Variants in KLK13 observed in about 807,000 individuals in gnomAD.
KLK13 encodes kallikrein related peptidase 13, also known as kallikrein-13.
Under a neutral mutation model 22.4 loss-of-function variants are expected in KLK13, and 19 were observed. The observed-to-expected ratio is 0.85, with a 90% CI of 0.59 to 1.24. KLK13 has a LOEUF of 1.24. Ranked by LOEUF, KLK13 falls within the 50% of genes most tolerant of loss-of-function variation. The probability of loss-of-function intolerance (pLI) is 0.00; values close to 1 mark genes in which losing one functional copy is unlikely to be tolerated. For missense variants in KLK13, 311 were observed against 347.9 expected (o/e 0.89, Z 0.84); for synonymous variants, 156 against 141.8 (o/e 1.10, Z -0.71).
In KLK13 at chr19:51,056,321, C is replaced by A. The variant is rs1286945951; in HGVS notation, c.*266G>T. On this transcript the variant is annotated 3_prime_UTR_variant, in exon 5 of 5. Transcript: ENST00000595793. ...GTGATCTGGGCTCATAGAAGCCACACTGATGAAGTTGAGAGACCTGGGCCA... is the reference window on the plus strand; with the variant it reads ...GTGATCTGGGCTCATAGAAGCCACAATGATGAAGTTGAGAGACCTGGGCCA... 4.5e-6 allele frequency: 2 copies of A among 440,034 alleles called. No individual in the cohort carries two copies. The highest frequency in any genetic ancestry group is 8.2e-6 in the Non-Finnish European group (2 of 243,714). 27.3% of individuals were successfully genotyped at this position (440,034 alleles called of 1,614,324 possible).
chr19:51,060,735 T>C (rs1599786361), intron 1 of KLK13, 116 bp from the exon 2 acceptor site: 2 of 787,142 alleles, frequency 2.5e-6, no homozygotes, highest in Non-Finnish European at 4.0e-6. Flanking sequence ...GACCAGGAAC[T>C]GAAGATGAAT....
Position 51,056,101 on chromosome 19 carries a change from AT to A in KLK13, c.*485del, listed in dbSNP as rs2091673231. 6.5e-6 allele frequency: 1 copy of A among 153,260 alleles called. No individual in the cohort carries two copies. The highest frequency in any genetic ancestry group is 1.5e-5 in the Non-Finnish European group (1 of 68,834). The allele number at this position is 153,260 out of a possible 1,614,324, so 9.5% of individuals were successfully genotyped here. A position where few individuals can be genotyped will look rare whatever the true frequency, so the allele number is the denominator to read the frequency against. ...CAGAAGATTGTGGGCATAAGAGAATATTTTCAGGATGAACTATCATGGGAGT... is the reference window on the plus strand; with the variant it reads ...CAGAAGATTGTGGGCATAAGAGAATATTTCAGGATGAACTATCATGGGAGT... On this transcript the variant is annotated 3_prime_UTR_variant, in exon 5 of 5. Transcript: ENST00000595793.
At chr19:51,058,970 G>A (rs970737353) in intron 3 of KLK13, among the ~76,000 whole-genome samples, 1 of 152,080 alleles carries the variant, frequency 6.6e-6, no homozygotes, top group Non-Finnish European at 1.5e-5. Flanking sequence ...GGTGGGGAGA[G>A]AAAGTTGGAG....
In KLK13 at chr19:51,060,094, CT is replaced by C; in HGVS notation, c.240-2del. Reference sequence around the variant, plus strand: ...CTTGCCTAGGTAAACTTTGAGCCCCCTGTGGGTGCAGAAAGAAGGTGGTTAG... The same window carrying C: ...CTTGCCTAGGTAAACTTTGAGCCCCCGTGGGTGCAGAAAGAAGGTGGTTAG... On this transcript the variant is annotated splice_acceptor_variant, in intron 2 of 4. Coordinates refer to ENST00000595793, the MANE Select transcript of KLK13 (RefSeq NM_015596.3). LOFTEE classifies it high-confidence loss of function. 1 of 1,612,946 alleles carries C rather than the reference CT, an allele frequency of 6.2e-7. No homozygotes were observed. Among genetic ancestry groups the C allele is most frequent in the Non-Finnish European group, 8.5e-7 (1 of 1,179,588 alleles).
Position 51,056,239 on chromosome 19 carries a change from G to T in KLK13, c.*348C>A, listed in dbSNP as rs1346154843. 1.2e-5 allele frequency: 3 copies of T among 260,530 alleles called. No individual in the cohort carries two copies. The East Asian group carries it at 2.8e-4, about 25-fold the overall frequency. The allele number at this position is 260,530 out of a possible 1,614,324, so 16.1% of individuals were successfully genotyped here. ...ATGGTCCATTTATAGGACATATATT[G>T]TTGAGATGGGCTGATGGAAATATTT... On this transcript the variant is annotated 3_prime_UTR_variant, in exon 5 of 5. Coordinates refer to ENST00000595793, the MANE Select transcript of KLK13 (RefSeq NM_015596.3).
In KLK13 at chr19:51,056,497, G is replaced by C; in HGVS notation, c.*90C>G. On this transcript the variant is annotated 3_prime_UTR_variant, in exon 5 of 5. Transcript: ENST00000595793. ...AGGACATGGATCACTGGTTCAAATGGAACACTGGGAATAAGGAGCAGAGAA... is the reference window on the plus strand; with the variant it reads ...AGGACATGGATCACTGGTTCAAATGCAACACTGGGAATAAGGAGCAGAGAA... The C allele has an allele frequency of 7.8e-7, 1 of 1,288,680 alleles. No individual in the cohort carries two copies. Among genetic ancestry groups the C allele is most frequent in the Non-Finnish European group, 1.1e-6 (1 of 906,210 alleles). 79.8% of individuals were successfully genotyped at this position (1,288,680 alleles called of 1,614,324 possible). A position where few individuals can be genotyped will look rare whatever the true frequency, so the allele number is the denominator to read the frequency against.
At chr19:51,063,903 T>C (rs1299247667) in intron 1 of KLK13, 2 of 454,170 alleles carry the variant, frequency 4.4e-6, no homozygotes, top group Admixed American at 2.4e-5. Flanking sequence ...TGGATAATTG[T>C]TTGAATAACA....
In KLK13 at chr19:51,064,128, A is replaced by C. The variant is rs574151560; in HGVS notation, c.52+888T>G. Among the ~76,000 whole-genome samples, 8 of 152,272 alleles carry C rather than the reference A, an allele frequency of 5.3e-5. 1 individual carries two copies. The South Asian group carries it at 1.5e-3, about 28-fold the overall frequency. On this transcript the variant is annotated intron_variant, in intron 1 of 4. Transcript: ENST00000595793. Reference sequence around the variant, plus strand: ...GACTACCAATTTGGGGTGAGGTCACATAGGTTTGGGGTCAACCCAAGGATT... The same window carrying C: ...GACTACCAATTTGGGGTGAGGTCACCTAGGTTTGGGGTCAACCCAAGGATT...
At chr19:51,064,715 C>T in intron 1 of KLK13, 1 of 624,262 alleles carries the variant, frequency 1.6e-6, no homozygotes, top group Non-Finnish European at 3.0e-6. Context: ...AAAGCGGCAG[C>T]GTCAGGACGC....
Position 51,060,539 on chromosome 19 carries a change from G to A in KLK13, c.133C>T (p.His45Tyr), listed in dbSNP as rs767761060. 6.2e-7 allele frequency: 1 copy of A among 1,613,940 alleles called. No homozygotes were observed. Among genetic ancestry groups the A allele is most frequent in the Non-Finnish European group, 8.5e-7 (1 of 1,179,878 alleles). ...AGGGCAGCCTGCCAGGGCTGAGAGT[G>A]GGGGAAGCAGGTGTAGCCACCTGGG... The part of the protein sequence containing the change: ...FLPGGYTCFP[H>Y]SQPWQAALLV... Residue 45 changes from histidine (H) to tyrosine (Y), a missense_variant, in exon 2 of 5, where the codon CAC becomes TAC. Coordinates refer to ENST00000595793, the MANE Select transcript of KLK13 (RefSeq NM_015596.3).
chr19:51,064,938 G>A, intron 1 of KLK13, 78 bp downstream of exon 1: 1 of 1,133,812 alleles, frequency 8.8e-7, no homozygotes, highest in Non-Finnish European at 1.2e-6. Context: ...CGGCTCCCAC[G>A]CCCCCTCCCC....
At chr19:51,058,855 C>G (rs2091699825) in intron 3 of KLK13, among the ~76,000 whole-genome samples, 181 bp from the exon 4 acceptor site, 1 of 151,546 alleles carries the variant, frequency 6.6e-6, no homozygotes, top group Admixed American at 6.6e-5. Context: ...TATGGAGGGA[C>G]ATGGGAGAGA....
intron 1 of KLK13, among the ~76,000 whole-genome samples, chr19:51,063,088 T>G (rs1468714730): frequency 6.6e-6 from 1 of 152,178 alleles, no homozygotes; most frequent in South Asian, 2.1e-4. Flanking sequence ...AATATGGTTT[T>G]AACACCTCCC....
chr19:51,060,524 G>A lies in KLK13; in HGVS notation c.148C>T (p.Gln50Ter). Residue 50 changes from glutamine to a stop codon, truncating the protein, a stop_gained, in exon 2 of 5, where the codon CAG becomes TAG. Transcript: ENST00000595793. LOFTEE classifies it high-confidence loss of function. ...CGCCCTTGCACTAGTAGGGCAGCCT[G>A]CCAGGGCTGAGAGTGGGGGAAGCAG... ...YTCFPHSQPW[Q>*]AALLVQGRLL... is the part of the protein sequence containing the mutation. The A allele has an allele frequency of 2.5e-6, 4 of 1,614,020 alleles. No individual in the cohort carries two copies. Among genetic ancestry groups the A allele is most frequent in the Non-Finnish European group, 1.7e-6 (2 of 1,179,890 alleles).
Position 51,060,448 on chromosome 19 carries a change from G to A in KLK13, c.224C>T (p.Ala75Val). The change falls in exon 2 of 5, where the codon GCA becomes GTA. Residue 75 changes from alanine to valine, a missense_variant. Transcript: ENST00000595793. The stretch of plus-strand genomic sequence containing the variant: ...CCCCACATACTCCTTTAGACAGTGT[G>A]CGGCAGTGAGGACCCATTTGGGGTG... Reference protein sequence around the residue: ...LVHPKWVLTAAHCLKEGLKVY... With the variant: ...LVHPKWVLTAVHCLKEGLKVY... 2 of 1,611,098 alleles carry A rather than the reference G, an allele frequency of 1.2e-6. No individual in the cohort carries two copies. Among genetic ancestry groups the A allele is most frequent in the Non-Finnish European group, 1.7e-6 (2 of 1,178,284 alleles).
rs1218854573 is a variant in KLK13 at position 51,056,065 on chromosome 19, T to C, written c.*522A>G. 6.6e-6 allele frequency: 1 copy of C among 152,646 alleles called. No individual in the cohort carries two copies. Among genetic ancestry groups the C allele is most frequent in the African/African-American group, 2.4e-5 (1 of 41,436 alleles). 9.5% of individuals were successfully genotyped at this position (152,646 alleles called of 1,614,324 possible). A position where few individuals can be genotyped will look rare whatever the true frequency, so the allele number is the denominator to read the frequency against. ...TGGTGAGTCACAGAGGTACACAGAA[T>C]GTTGTCAGGGCAGAAGATTGTGGGC... On this transcript the variant is annotated 3_prime_UTR_variant, in exon 5 of 5. Coordinates refer to ENST00000595793, the MANE Select transcript of KLK13 (RefSeq NM_015596.3).
At position 51,056,214 on chromosome 19, in the gene KLK13, A is replaced by T. The variant is rs527938116; in HGVS notation, c.*373T>A. ...GAAGAGTTAGAGGATGTTGTCAAGG[A>T]TGGTCCATTTATAGGACATATATTG... On this transcript the variant is annotated 3_prime_UTR_variant, in exon 5 of 5. Transcript: ENST00000595793. The T allele has an allele frequency of 6.1e-5, 12 of 198,332 alleles. No homozygotes were observed. Among genetic ancestry groups the T allele is most frequent in the Admixed American group, 5.1e-4 (9 of 17,740 alleles). 12.3% of individuals were successfully genotyped at this position (198,332 alleles called of 1,614,324 possible). A position where few individuals can be genotyped will look rare whatever the true frequency, so the allele number is the denominator to read the frequency against.
At position 51,056,645 on chromosome 19, in the gene KLK13, C is replaced by T. The variant is rs141343299; in HGVS notation, c.776G>A (p.Arg259His). ...TRVSRYVLWI[R>H]ETIRKYETQQ... ...GGTTTCATATTTTCGGATTGTTTCA[C>T]GGATCCACAGGACGTATCTTGAGAC... The change falls in exon 5 of 5, where the codon CGT becomes CAT. Residue 259 changes from arginine to histidine, a missense_variant. Physicochemically the swap from Arg to His is conservative, Grantham distance 29. Transcript: ENST00000595793. The T allele has an allele frequency of 1.7e-5, 28 of 1,614,134 alleles. No individual in the cohort carries two copies. The highest frequency in any genetic ancestry group is 3.3e-5 in the Admixed American group (2 of 60,020).
intron 1 of KLK13, among the ~76,000 whole-genome samples, 164 bp from the exon 2 acceptor site, chr19:51,060,783 G>A (rs1388417516): frequency 6.6e-6 from 1 of 152,146 alleles, no homozygotes; most frequent in Admixed American, 6.5e-5. Context: ...TGACCAAGTG[G>A]AGATGAATTA....
Sources: allele counts gnomAD v4.1 joint callset (sites outside exome capture counted in the v4.1 genomes callset), GRCh38; gene constraint gnomAD v4.1.1; transcripts MANE v1.5; gene names NCBI Gene and HGNC (gene_info 2026-07-23, HGNC 2026-07-21).